The following FNIP1 variants were observed in gnomAD, a reference collection of about 807,000 sequenced individuals.
FNIP1 encodes folliculin interacting protein 1.
Under a neutral mutation model 124.5 loss-of-function variants are expected in FNIP1, and 40 were observed. The observed-to-expected ratio is 0.32, with a 90% CI of 0.25 to 0.42. The LOEUF is 0.42. Among genes scored for constraint, FNIP1 ranks in the 10% least tolerant of loss-of-function variants. The probability of loss-of-function intolerance (pLI) is 1.00; values close to 1 mark genes in which losing one functional copy is unlikely to be tolerated. For synonymous variants in FNIP1, 472 were observed against 470.6 expected (o/e 1.00, Z -0.04); for missense variants, 1,176 against 1,403.7 (o/e 0.84, Z 2.59).
chr5:131,783,963 G>C (rs928908501), intron 1 of FNIP1, among the ~76,000 whole-genome samples: 1 of 149,000 alleles, frequency 6.7e-6, no homozygotes, highest in Non-Finnish European at 1.5e-5. Context: ...ATAATCCAAA[G>C]AGGAAGAAGC....
chr5:131,714,996 A>G (rs1211416208), intron 6 of FNIP1, among the ~76,000 whole-genome samples: 5 of 152,228 alleles, frequency 3.3e-5, no homozygotes, highest in Non-Finnish European at 4.4e-5. Flanking sequence ...TTGAAAGAAA[A>G]TAAGAAATGG....
At chr5:131,706,625 A>C in intron 8 of FNIP1, 79 bp from the exon 9 acceptor site, 1 of 1,347,474 alleles carries the variant, frequency 7.4e-7, no homozygotes. Flanking sequence ...CAAAATTACA[A>C]ATAGGTTAAG....
rs1490327563 is a variant in FNIP1 at position 131,672,751 on chromosome 5, G to A, written c.1693C>T (p.Pro565Ser). Residue 565 changes from proline to serine, a missense_variant, in exon 14 of 18, where the codon CCA becomes TCA. Coordinates refer to ENST00000510461, the MANE Select transcript of FNIP1 (RefSeq NM_133372.3). ...ENGEDEAIVM[P>S]GTVITTTLEK... ...AAAGTGGTAGTAATTACTGTGCCTG[G>A]CATAACGATGGCTTCATCTTCTCCA... 2 of 1,613,530 alleles carry A rather than the reference G, an allele frequency of 1.2e-6. No homozygotes were observed. The highest frequency in any genetic ancestry group is 2.7e-5 in the African/African-American group (2 of 74,842).
At chr5:131,662,366 A>G (rs548510472) in intron 15 of FNIP1, among the ~76,000 whole-genome samples, 1 of 152,308 alleles carries the variant, frequency 6.6e-6, no homozygotes, top group South Asian at 2.1e-4. Context: ...AGATTGTGTC[A>G]CTATTGGAAC....
At chr5:131,699,159 T>A (rs1768804833) in intron 10 of FNIP1, among the ~76,000 whole-genome samples, 157 bp from the exon 11 acceptor site, 1 of 152,224 alleles carries the variant, frequency 6.6e-6, no homozygotes, top group Admixed American at 6.5e-5. Context: ...ATTGTGGCTT[T>A]TTCTTCTACA....
intron 1 of FNIP1, among the ~76,000 whole-genome samples, chr5:131,766,215 A>T (rs570611713): frequency 5.3e-4 from 80 of 151,848 alleles, no homozygotes; most frequent in African/African-American, 1.7e-3. Flanking sequence ...GCCTCCAAGT[A>T]GTGAGGACTA....
chr5:131,651,108 A>G (rs532970189), intron 16 of FNIP1, among the ~76,000 whole-genome samples: 1 of 152,162 alleles, frequency 6.6e-6, no homozygotes, highest in South Asian at 2.1e-4. Flanking sequence ...ACAGATATAT[A>G]GCTGGGAATG....
intron 10 of FNIP1, among the ~76,000 whole-genome samples, chr5:131,701,805 C>T (rs143923475): frequency 5.4e-4 from 83 of 152,366 alleles, no homozygotes; most frequent in Middle Eastern, 3.4e-3. Context: ...CCAAGTTAAT[C>T]TCCCCAAAGT....
chr5:131,762,854 A>C (rs1444077095), intron 1 of FNIP1, among the ~76,000 whole-genome samples: 1 of 152,222 alleles, frequency 6.6e-6, no homozygotes, highest in Non-Finnish European at 1.5e-5. Context: ...TCAGTCATAA[A>C]AAAGAATGAT....
At chr5:131,749,975 A>C (rs1177200325) in intron 1 of FNIP1, among the ~76,000 whole-genome samples, 1 of 152,156 alleles carries the variant, frequency 6.6e-6, no homozygotes, top group Non-Finnish European at 1.5e-5. Context: ...TCACTGGTGC[A>C]TGAGTGTATG....
At chr5:131,656,046 T>C (rs1767183459) in intron 15 of FNIP1, among the ~76,000 whole-genome samples, 2 of 152,156 alleles carry the variant, frequency 1.3e-5, no homozygotes, top group Non-Finnish European at 2.9e-5. Flanking sequence ...CACTCCAGTC[T>C]GGGTGACAGA....
rs1335212667 is a variant in FNIP1 at position 131,643,935 on chromosome 5, A to G, written c.*750T>C. The G allele has an allele frequency of 2.6e-5, 4 of 152,580 alleles. No individual in the cohort carries two copies. The highest frequency in any genetic ancestry group is 9.7e-5 in the African/African-American group (4 of 41,442). The allele number at this position is 152,580 out of a possible 1,614,324, so 9.5% of individuals were successfully genotyped here. On this transcript the variant is annotated 3_prime_UTR_variant, in exon 18 of 18. Transcript: ENST00000510461. ...ATAAAGTAGTATTCTCATTTTGGGAATCTCAGCCTTAAAAAAAAGGTTGGC... is the reference window on the plus strand; with the variant it reads ...ATAAAGTAGTATTCTCATTTTGGGAGTCTCAGCCTTAAAAAAAAGGTTGGC...
At chr5:131,681,443 A>C (rs1384279522) in intron 11 of FNIP1, among the ~76,000 whole-genome samples, 6 of 152,188 alleles carry the variant, frequency 3.9e-5, no homozygotes, top group African/African-American at 1.4e-4. Flanking sequence ...ACTGATATTT[A>C]GAGAAAGCCT....
intron 6 of FNIP1, among the ~76,000 whole-genome samples, chr5:131,715,714 C>T (rs189875610): frequency 1.3e-5 from 2 of 151,954 alleles, no homozygotes; most frequent in East Asian, 3.9e-4. Flanking sequence ...CTATGACTAG[C>T]CCACAGTAAT....
chr5:131,791,744 A>T (rs578259953), intron 1 of FNIP1, among the ~76,000 whole-genome samples: 8 of 152,232 alleles, frequency 5.3e-5, no homozygotes, highest in African/African-American at 1.9e-4. Context: ...TTCAAACAAA[A>T]CTACCATAAA....
intron 1 of FNIP1, among the ~76,000 whole-genome samples, chr5:131,771,377 T>C (rs1771627675): frequency 6.6e-6 from 1 of 152,160 alleles, no homozygotes. Flanking sequence ...AGGCAGAACA[T>C]GATTTGTTTT....
At chr5:131,678,566 C>A (rs987970213) in intron 12 of FNIP1, among the ~76,000 whole-genome samples, 25 of 151,848 alleles carry the variant, frequency 1.6e-4, no homozygotes, top group Admixed American at 1.5e-3. Flanking sequence ...CGCCACCATG[C>A]CCGGCTAATT....
chr5:131,744,460 C>A, intron 2 of FNIP1, 104 bp downstream of exon 2: 1 of 1,124,232 alleles, frequency 8.9e-7, no homozygotes, highest in Non-Finnish European at 1.2e-6. Context: ...GCCCCAATAT[C>A]CAGTCATTTC....
intron 11 of FNIP1, among the ~76,000 whole-genome samples, 177 bp from the exon 12 acceptor site, chr5:131,679,352 T>C (rs1768005519): frequency 2.0e-5 from 3 of 152,144 alleles, no homozygotes; most frequent in African/African-American, 7.2e-5. Flanking sequence ...ATGGGAAATG[T>C]TCTCAAAATA....
Sources: allele counts gnomAD v4.1 joint callset (sites outside exome capture counted in the v4.1 genomes callset), GRCh38; gene constraint gnomAD v4.1.1; transcripts MANE v1.5; gene names NCBI Gene and HGNC (gene_info 2026-07-23, HGNC 2026-07-21).